Variants in PPFIBP2 observed in about 807,000 individuals in gnomAD.
PPFIBP2 encodes liprin-beta-2.
In PPFIBP2, 118 loss-of-function variants were observed where a neutral mutation model predicts 118.3. The ratio of observed to expected loss-of-function variants is 1.00; its 90% CI spans 0.86 to 1.16. PPFIBP2 has a LOEUF of 1.16. Among genes scored for constraint, PPFIBP2 ranks in the 50% most tolerant of loss-of-function variants. The pLI, the probability that PPFIBP2 is intolerant of heterozygous loss-of-function variation, is 0.00. For missense variants in PPFIBP2, 1,195 were observed against 1,073.1 expected, an observed-to-expected ratio of 1.11 and a Z score of -1.59; for synonymous variants, 414 against 397.4, an observed-to-expected ratio of 1.04 and a Z score of -0.50.
At chr11:7,553,420 A>G (rs1458253501) in intron 2 of PPFIBP2, among the ~76,000 whole-genome samples, 1 of 152,168 alleles carries the variant, frequency 6.6e-6, no homozygotes, top group African/African-American at 2.4e-5. Context: ...TGCCTTGTTC[A>G]GGTTACTTTT....
intron 1 of PPFIBP2, among the ~76,000 whole-genome samples, chr11:7,537,418 G>C (rs1040566396): frequency 7.2e-5 from 11 of 152,222 alleles, no homozygotes; most frequent in South Asian, 2.1e-4. Context: ...TTACACACAG[G>C]TGGATATTGC....
chr11:7,583,297 T>A (rs1857548691), intron 3 of PPFIBP2, among the ~76,000 whole-genome samples: 1 of 152,206 alleles, frequency 6.6e-6, no homozygotes, highest in Non-Finnish European at 1.5e-5. Context: ...TTACTTTGGC[T>A]CTTGCCTAAT....
chr11:7,543,787 A>G (rs1226430723), intron 1 of PPFIBP2, among the ~76,000 whole-genome samples: 4 of 152,262 alleles, frequency 2.6e-5, no homozygotes, highest in Admixed American at 1.3e-4. Flanking sequence ...AACACAGTAT[A>G]TAAATCACTG....
In PPFIBP2 at chr11:7,630,978, A is replaced by C; in HGVS notation, c.1018A>C (p.Ser340Arg). 1 of 1,614,154 alleles carries C rather than the reference A, an allele frequency of 6.2e-7. No individual in the cohort carries two copies. Among genetic ancestry groups the C allele is most frequent in the Non-Finnish European group, 8.5e-7 (1 of 1,179,988 alleles). ...TGAAGAAGAACCGGAGGGAGGTTTCAGCAAGTGGAACGCTACAAATAAGGA... is the reference window on the plus strand; with the variant it reads ...TGAAGAAGAACCGGAGGGAGGTTTCCGCAAGTGGAACGCTACAAATAAGGA... ...INEEEPEGGF[S>R]KWNATNKDPE... The change falls in exon 11 of 24, where the codon AGC (serine) becomes CGC (arginine). Residue 340 changes from serine (S) to arginine (R), a missense_variant. Coordinates refer to ENST00000299492, the MANE Select transcript of PPFIBP2 (RefSeq NM_003621.5).
intron 1 of PPFIBP2, 63 bp from the exon 2 acceptor site, chr11:7,549,373 TGCGA>T: frequency 7.4e-7 from 1 of 1,353,966 alleles, no homozygotes; most frequent in South Asian, 1.3e-5. Context: ...GAAAGATTTT[TGCGA>T]TCTTGTGTGC....
chr11:7,570,733 C>G (rs1407131658), intron 3 of PPFIBP2, among the ~76,000 whole-genome samples: 2 of 152,112 alleles, frequency 1.3e-5, no homozygotes, highest in African/African-American at 4.8e-5. Context: ...CAGATTGAAC[C>G]AGGGTGAGGG....
Position 7,648,912 on chromosome 11 carries a change from G to C in PPFIBP2, c.1909+1G>C. Reference sequence around the variant, plus strand: ...CTGCTAGACCACATTTGGGTGACAAGTAAGGATAGGCATATATGTATTAAG... The same window carrying C: ...CTGCTAGACCACATTTGGGTGACAACTAAGGATAGGCATATATGTATTAAG... On this transcript the variant is annotated splice_donor_variant, in intron 19 of 23. Transcript: ENST00000299492. LOFTEE classifies it high-confidence loss of function. The C allele has an allele frequency of 6.2e-7, 1 of 1,609,962 alleles. No homozygotes were observed. The highest frequency in any genetic ancestry group is 8.5e-7 in the Non-Finnish European group (1 of 1,176,244).
chr11:7,666,211 G>C, the PPFIBP2 span: 5 of 578,224 alleles, frequency 8.6e-6, no homozygotes, highest in Admixed American at 1.2e-4. Context: ...TTGATGTTCA[G>C]TGCAGCGTGA....
At chr11:7,649,047 A>C in intron 19 of PPFIBP2, 100 bp from the exon 20 acceptor site, 2 of 1,399,830 alleles carry the variant, frequency 1.4e-6, no homozygotes, top group Non-Finnish European at 2.0e-6. Flanking sequence ...TTTTGGGGGA[A>C]TAAAACGAAC....
chr11:7,525,833 C>G (rs1013728120), intron 1 of PPFIBP2, among the ~76,000 whole-genome samples: 2 of 152,130 alleles, frequency 1.3e-5, no homozygotes, highest in Non-Finnish European at 2.9e-5. Context: ...TGAGACTGGC[C>G]ACACCTGGAG....
chr11:7,526,529 A>T (rs1298751386), intron 1 of PPFIBP2, among the ~76,000 whole-genome samples: 3 of 152,078 alleles, frequency 2.0e-5, no homozygotes, highest in Non-Finnish European at 4.4e-5. Context: ...CTTGCAGCAG[A>T]TGTAGGCTGG....
intron 6 of PPFIBP2, 134 bp downstream of exon 6, chr11:7,610,556 T>C (rs1847944919): frequency 7.9e-7 from 1 of 1,258,142 alleles, no homozygotes; most frequent in Admixed American, 2.0e-5. Context: ...GATGCAGTGA[T>C]CTGTTAATAC....
At chr11:7,618,363 T>C (rs773298579) in intron 6 of PPFIBP2, among the ~76,000 whole-genome samples, 14 of 152,158 alleles carry the variant, frequency 9.2e-5, no homozygotes, top group Non-Finnish European at 1.6e-4. Context: ...ACAAGTAACA[T>C]AGAAGGAAGA....
chr11:7,523,268 G>A (rs1290191901), intron 1 of PPFIBP2, among the ~76,000 whole-genome samples: 1 of 152,182 alleles, frequency 6.6e-6, no homozygotes, highest in Non-Finnish European at 1.5e-5. Context: ...CAGCCTCCCA[G>A]GATGGAGTCT....
intron 3 of PPFIBP2, 33 bp from the exon 4 acceptor site, chr11:7,593,099 T>C: frequency 1.2e-6 from 2 of 1,604,850 alleles, no homozygotes; most frequent in Non-Finnish European, 1.7e-6. Context: ...TTCCAACCTT[T>C]TAAGTGTATT....
intron 3 of PPFIBP2, among the ~76,000 whole-genome samples, chr11:7,572,733 C>A (rs1311648897): frequency 1.3e-5 from 2 of 152,284 alleles, no homozygotes; most frequent in Non-Finnish European, 2.9e-5. Flanking sequence ...TGCTTCTAGG[C>A]AAGTTTGTTT....
intron 16 of PPFIBP2, 149 bp downstream of exon 16, chr11:7,641,769 T>C: frequency 1.2e-6 from 1 of 843,708 alleles, no homozygotes; most frequent in Non-Finnish European, 1.8e-6. Flanking sequence ...CTGAGATATT[T>C]TCCAGGGCCA....
chr11:7,591,798 C>T (rs1034398138), intron 3 of PPFIBP2, among the ~76,000 whole-genome samples: 8 of 152,292 alleles, frequency 5.3e-5, no homozygotes, highest in African/African-American at 1.9e-4. Flanking sequence ...TTCACTAGTG[C>T]GCATCCAGGG....
rs1456399246 is a variant in PPFIBP2, at chr11:7,616,063, C to T, written c.619-4872C>T. Among the ~76,000 whole-genome samples, 1 of 152,134 alleles carries T rather than the reference C, an allele frequency of 6.6e-6. No homozygotes were observed. The highest frequency in any genetic ancestry group is 1.5e-5 in the Non-Finnish European group (1 of 68,022). On this transcript the variant is annotated intron_variant, in intron 6 of 23. Transcript: ENST00000299492. The surrounding 1 kb of genome is among the most constrained non-coding windows in gnomAD (Gnocchi z 5.2). ...ACATATGCTAAAGACAAAAGTGCAC[C>T]TGCATGACCAGTGTCAGGAAGGGGA...
Sources: allele counts gnomAD v4.1 joint callset (sites outside exome capture counted in the v4.1 genomes callset), GRCh38; gene constraint gnomAD v4.1.1; non-coding constraint Gnocchi (gnomAD v3.1); transcripts MANE v1.5; gene names NCBI Gene and HGNC (gene_info 2026-07-23, HGNC 2026-07-21).